Variants in AKAP7 observed in about 807,000 individuals in gnomAD.
AKAP7 encodes the protein A kinase (PRKA) anchor protein 7.
Under a neutral mutation model 39.5 loss-of-function variants are expected in AKAP7, and 39 were observed. The observed-to-expected ratio is 0.99, with a 90% CI of 0.76 to 1.29. The LOEUF is 1.29. Ranked by LOEUF, AKAP7 falls within the 50% of genes most tolerant of loss-of-function variation. The pLI is 0.00. For synonymous variants in AKAP7, 140 were observed against 139.1 expected, an observed-to-expected ratio of 1.01 and a Z score of -0.05; for missense variants, 414 against 407.7, an observed-to-expected ratio of 1.02 and a Z score of -0.13.
chr6:131,206,856 G>C (rs1237205885), intron 6 of AKAP7, among the ~76,000 whole-genome samples: 1 of 152,014 alleles, frequency 6.6e-6, no homozygotes, highest in Non-Finnish European at 1.5e-5. Flanking sequence ...GGTATAGTTT[G>C]ACTGCCACTC....
At chr6:131,165,407 A>G (rs1803381968) in intron 4 of AKAP7, among the ~76,000 whole-genome samples, 190 bp downstream of exon 4, 4 of 152,176 alleles carry the variant, frequency 2.6e-5, no homozygotes, top group Admixed American at 2.0e-4. Flanking sequence ...AAACTCTGTT[A>G]TGGTTATCAA....
chr6:131,267,534 TGTGTCCCCCTG>T (rs1344802685), intron 7 of AKAP7, among the ~76,000 whole-genome samples: 1 of 152,310 alleles, frequency 6.6e-6, no homozygotes, highest in East Asian at 1.9e-4. Context: ...GACTCTTCAG[TGTGTCCCCCTG>T]GAGCCTTCAG....
intron 3 of AKAP7, among the ~76,000 whole-genome samples, chr6:131,161,888 A>G (rs983610190): frequency 2.0e-5 from 3 of 152,176 alleles, no homozygotes; most frequent in African/African-American, 7.2e-5. Flanking sequence ...TCCTAAGGAC[A>G]CTGAATGTCA....
chr6:131,206,675 C>T (rs1808124632), intron 6 of AKAP7, among the ~76,000 whole-genome samples: 1 of 152,166 alleles, frequency 6.6e-6, no homozygotes, highest in Admixed American at 6.5e-5. Context: ...TACTCTGCAT[C>T]CCTCCCTAAC....
intron 7 of AKAP7, among the ~76,000 whole-genome samples, chr6:131,270,238 C>G (rs1814159476): frequency 6.6e-6 from 1 of 152,198 alleles, no homozygotes; most frequent in Non-Finnish European, 1.5e-5. Context: ...TCAACCCTTC[C>G]TGTTACAGCT....
chr6:131,154,035 A>C (rs1052483036), intron 2 of AKAP7, among the ~76,000 whole-genome samples: 1 of 151,900 alleles, frequency 6.6e-6, no homozygotes, highest in Non-Finnish European at 1.5e-5. Flanking sequence ...TATGGTGAAA[A>C]CCTGTCTCTA....
intron 7 of AKAP7, among the ~76,000 whole-genome samples, chr6:131,266,440 A>T (rs1320544666): frequency 6.6e-6 from 1 of 152,254 alleles, no homozygotes; most frequent in African/African-American, 2.4e-5. Context: ...ATTACTCAAC[A>T]AGTTTAAATG....
intron 7 of AKAP7, among the ~76,000 whole-genome samples, chr6:131,244,548 T>C (rs563801030): frequency 2.9e-4 from 44 of 152,308 alleles, no homozygotes; most frequent in African/African-American, 1.0e-3. Context: ...AGATAAATTT[T>C]CCTCCCTAAC....
chr6:131,243,961 A>T (rs1008298753), intron 7 of AKAP7, among the ~76,000 whole-genome samples: 2 of 152,016 alleles, frequency 1.3e-5, no homozygotes, highest in African/African-American at 4.8e-5. Context: ...TGATAATACA[A>T]ATACTGGTCA....
In AKAP7 at chr6:131,242,950, G is replaced by A. The variant is rs540396242; in HGVS notation, c.850+23142G>A. Among the ~76,000 whole-genome samples, 6 of 152,234 alleles carry A rather than the reference G, an allele frequency of 3.9e-5. No homozygotes were observed. The South Asian group carries it at 1.2e-3, about 32-fold the overall frequency. On this transcript the variant is annotated intron_variant, in intron 7 of 7. Coordinates refer to ENST00000431975, the MANE Select transcript of AKAP7 (RefSeq NM_016377.4). ...AAGGAAAGAGACATATTTCAGAAAC[G>A]CTGGTAGGGCCCAATGAGTTGATAA... is the stretch of plus-strand genomic sequence containing the variant.
Position 131,250,587 on chromosome 6 carries a change from T to G in AKAP7, c.850+30779T>G, listed in dbSNP as rs1252547377. The G allele has an allele frequency of 1.9e-6, 3 of 1,613,940 alleles. No homozygotes were observed. The Admixed American group carries it at 5.0e-5, about 27-fold the overall frequency. ...AGTGCCATGGGCCAGCTTTGCTGCT[T>G]TCCTTTCTCAAGAGATGAAGGAAAA... On this transcript the variant is annotated intron_variant, in intron 7 of 7. Transcript: ENST00000431975.
rs1448782790 is a variant in AKAP7 at position 131,238,493 on chromosome 6, G to A, written c.850+18685G>A. 2.6e-5 allele frequency among the ~76,000 whole-genome samples: 4 copies of A among 152,238 alleles called. No individual in the cohort carries two copies. The South Asian group carries it at 8.3e-4, about 32-fold the overall frequency. On this transcript the variant is annotated intron_variant, in intron 7 of 7. Transcript: ENST00000431975. ...TTTCTGTCTCATTGATCTGTCTAAT[G>A]TTGACAGTGGGGTGTTAAAGTCTCC... is the stretch of plus-strand genomic sequence containing the variant.
At chr6:131,271,465 G>A (rs1317718021) in intron 7 of AKAP7, among the ~76,000 whole-genome samples, 1 of 152,032 alleles carries the variant, frequency 6.6e-6, no homozygotes, top group Non-Finnish European at 1.5e-5. Context: ...TTCAAAGTAA[G>A]TCTTGAAATC....
chr6:131,204,458 C>T (rs1400844398), intron 6 of AKAP7, among the ~76,000 whole-genome samples: 1 of 152,094 alleles, frequency 6.6e-6, no homozygotes, highest in Non-Finnish European at 1.5e-5. Flanking sequence ...AAAATGGTTT[C>T]CTTGGGTTTG....
chr6:131,274,626 C>CT (rs1302229781), intron 7 of AKAP7, among the ~76,000 whole-genome samples: 1 of 152,148 alleles, frequency 6.6e-6, no homozygotes, highest in Non-Finnish European at 1.5e-5. Context: ...GTGCATGCCA[C>CT]TGCACCCAGC....
At chr6:131,160,011 A>G (rs1802800345) in intron 2 of AKAP7, 48 bp from the exon 3 acceptor site, 3 of 1,456,358 alleles carry the variant, frequency 2.1e-6, no homozygotes, top group Admixed American at 2.5e-5. Flanking sequence ...TGACTGTATT[A>G]TCTTTGTTTA....
chr6:131,140,543 A>G lies in AKAP7; in HGVS notation c.20-4742A>G, dbSNP rs551839411. The stretch of plus-strand genomic sequence containing the variant: ...AAATTAAGTTTCCTCTCCCTCACTT[A>G]TTGCTAAGAATCTGTATTTCCAAGT... On this transcript the variant is annotated intron_variant, in intron 1 of 7. Coordinates refer to ENST00000431975, the MANE Select transcript of AKAP7 (RefSeq NM_016377.4). Among the ~76,000 whole-genome samples the G allele has an allele frequency of 5.3e-5, 8 of 152,306 alleles. No individual in the cohort carries two copies. The South Asian group carries it at 1.5e-3, about 28-fold the overall frequency.
chr6:131,177,056 A>T (rs1287812106), intron 5 of AKAP7, among the ~76,000 whole-genome samples: 1 of 151,768 alleles, frequency 6.6e-6, no homozygotes, highest in African/African-American at 2.4e-5. Context: ...CTCCTTTCTC[A>T]TCTCTCTCTT....
At chr6:131,165,714 T>C (rs778652239) in intron 4 of AKAP7, among the ~76,000 whole-genome samples, 1 of 152,284 alleles carries the variant, frequency 6.6e-6, no homozygotes, top group Middle Eastern at 3.4e-3. Flanking sequence ...ATCTTAGTCA[T>C]TTTTAGAGTC....
Sources: gnomAD v4.1 joint callset for allele counts (sites outside exome capture counted in the v4.1 genomes callset) on GRCh38, gnomAD v4.1.1 for gene constraint, MANE v1.5 for transcripts, NCBI Gene and HGNC (gene_info 2026-07-23, HGNC 2026-07-21) for gene names.